MIPOL1: variants seen among roughly 807,000 people sequenced by gnomAD.
MIPOL1 encodes the protein mirror-image polydactyly gene 1 protein.
A neutral mutation model predicts 60.9 loss-of-function variants in MIPOL1; 57 were observed. The ratio of observed to expected loss-of-function variants is 0.94; its 90% confidence interval spans 0.76 to 1.17. The LOEUF (loss-of-function observed/expected upper bound fraction) is 1.17, where lower values mean the gene tolerates loss of function less well. Ranked by LOEUF, MIPOL1 falls within the 50% of genes most tolerant of loss-of-function variation. The probability of loss-of-function intolerance (pLI) is 0.00; values close to 1 mark genes in which losing one functional copy is unlikely to be tolerated. For synonymous variants in MIPOL1, 179 were observed against 168.8 expected, an observed-to-expected ratio of 1.06 and a Z score of -0.47; for missense variants, 551 against 511.6, an observed-to-expected ratio of 1.08 and a Z score of -0.74.
At chr14:37,388,411 A>T (rs2093134517) in intron 10 of MIPOL1, among the ~76,000 whole-genome samples, 1 of 151,904 alleles carries the variant, frequency 6.6e-6, no homozygotes, top group Non-Finnish European at 1.5e-5. Context: ...AGCATAAATG[A>T]AACTTATCGT....
Position 37,289,572 on chromosome 14 carries a change from G to A in MIPOL1, c.623+4125G>A, listed in dbSNP as rs369290030. ...ATATGACAATGGATACAGATGAAGAGATGCAGAGGTCAAGGTATGGGGGAA... is the reference window on the plus strand; with the variant it reads ...ATATGACAATGGATACAGATGAAGAAATGCAGAGGTCAAGGTATGGGGGAA... On this transcript the variant is annotated intron_variant, in intron 7 of 12. Coordinates refer to ENST00000684589, the MANE Select transcript of MIPOL1 (RefSeq NM_001388067.1). Among the ~76,000 whole-genome samples the A allele has an allele frequency of 7.9e-5, 12 of 152,194 alleles. No individual in the cohort carries two copies. The East Asian group carries it at 1.9e-3, about 24-fold the overall frequency.
chr14:37,294,319 C>G (rs1221172669), intron 7 of MIPOL1, among the ~76,000 whole-genome samples: 5 of 152,108 alleles, frequency 3.3e-5, no homozygotes, highest in Non-Finnish European at 7.4e-5. Flanking sequence ...ATGTCACCAT[C>G]ATCAAAGACC....
intron 3 of MIPOL1, among the ~76,000 whole-genome samples, chr14:37,250,647 T>C (rs1192156203): frequency 6.6e-6 from 1 of 152,168 alleles, no homozygotes; most frequent in Non-Finnish European, 1.5e-5. Context: ...CACATCGTCA[T>C]CTCCCTGATG....
chr14:37,547,167 A>G lies in MIPOL1; in HGVS notation c.*196A>G. 1.8e-6 allele frequency: 1 copy of G among 555,254 alleles called. No individual in the cohort carries two copies. The highest frequency in any genetic ancestry group is 3.0e-5 in the East Asian group (1 of 33,492). 34.4% of individuals were successfully genotyped at this position (555,254 alleles called of 1,614,324 possible). A position where few individuals can be genotyped will look rare whatever the true frequency, so the allele number is the denominator to read the frequency against. On this transcript the variant is annotated 3_prime_UTR_variant, in exon 13 of 13. Transcript: ENST00000684589. Reference sequence around the variant, plus strand: ...GCTGCTGACTTGAGTTATTTATCCAAATATATTAACTATAGACTTTTACCA... The same window carrying G: ...GCTGCTGACTTGAGTTATTTATCCAGATATATTAACTATAGACTTTTACCA...
At chr14:37,225,352 C>T (rs1420070176) in intron 1 of MIPOL1, among the ~76,000 whole-genome samples, 2 of 152,186 alleles carry the variant, frequency 1.3e-5, no homozygotes, top group African/African-American at 2.4e-5. Flanking sequence ...GAGGGCCCCA[C>T]CCTGCCGCAA....
At chr14:37,204,872 G>GA (rs1292799843) in intron 1 of MIPOL1, among the ~76,000 whole-genome samples, 1 of 152,122 alleles carries the variant, frequency 6.6e-6, no homozygotes, top group Non-Finnish European at 1.5e-5. Flanking sequence ...AAGAAGACAG[G>GA]AAAATGTGGG....
intron 11 of MIPOL1, among the ~76,000 whole-genome samples, chr14:37,461,744 A>G (rs2094541413): frequency 6.6e-6 from 1 of 152,238 alleles, no homozygotes; most frequent in African/African-American, 2.4e-5. Flanking sequence ...CCAGTGAGGC[A>G]GTCACATCTT....
At chr14:37,326,991 A>G (rs954499539) in intron 9 of MIPOL1, among the ~76,000 whole-genome samples, 1 of 152,192 alleles carries the variant, frequency 6.6e-6, no homozygotes, top group African/African-American at 2.4e-5. Context: ...GTAGCTAGAG[A>G]CAATTCTTGA....
chr14:37,254,313 CAA>C (rs1175633169), intron 3 of MIPOL1, among the ~76,000 whole-genome samples: 2 of 151,474 alleles, frequency 1.3e-5, no homozygotes, highest in Non-Finnish European at 3.0e-5. Context: ...AATGAAAAAA[CAA>C]AAAATGTTTA....
chr14:37,477,802 A>G (rs1249181541), intron 11 of MIPOL1, among the ~76,000 whole-genome samples: 1 of 152,228 alleles, frequency 6.6e-6, no homozygotes, highest in East Asian at 1.9e-4. Flanking sequence ...AAAGTGTAAT[A>G]AAGTGGCATG....
chr14:37,523,471 A>T (rs759342405), intron 12 of MIPOL1: 7 of 401,858 alleles, frequency 1.7e-5, no homozygotes, highest in Non-Finnish European at 3.1e-5. Flanking sequence ...TTTTTTTTCC[A>T]GATCTCAAAT....
In MIPOL1 at chr14:37,547,301, T is replaced by C. The variant is rs2095550820; in HGVS notation, c.*330T>C. ...ATTATAGAAACATGTTAAAGTTGGT[T>C]AGGATCATATCTTCACATATGGCCC... On this transcript the variant is annotated 3_prime_UTR_variant, in exon 13 of 13. Coordinates refer to ENST00000684589, the MANE Select transcript of MIPOL1 (RefSeq NM_001388067.1). The C allele has an allele frequency of 4.4e-6, 1 of 227,908 alleles. No individual in the cohort carries two copies. 14.1% of individuals were successfully genotyped at this position (227,908 alleles called of 1,614,324 possible). A position where few individuals can be genotyped will look rare whatever the true frequency, so the allele number is the denominator to read the frequency against.
At chr14:37,379,797 A>G (rs145125090) in intron 10 of MIPOL1, among the ~76,000 whole-genome samples, 211 of 152,228 alleles carry the variant, frequency 1.4e-3, no homozygotes, top group African/African-American at 4.7e-3. Context: ...GTTATTAAGT[A>G]AAAGTGGGAA....
At chr14:37,516,757 CTAAG>C (rs2095372093) in intron 12 of MIPOL1, among the ~76,000 whole-genome samples, 1 of 152,090 alleles carries the variant, frequency 6.6e-6, no homozygotes, top group South Asian at 2.1e-4. Flanking sequence ...TTTTACATTA[CTAAG>C]TCTTTCTTTA....
At chr14:37,454,061 T>C (rs540664082) in intron 11 of MIPOL1, among the ~76,000 whole-genome samples, 1 of 152,206 alleles carries the variant, frequency 6.6e-6, no homozygotes, top group Non-Finnish European at 1.5e-5. Flanking sequence ...TTTATGAGAC[T>C]CTGCAAAGTG....
chr14:37,532,222 C>T (rs1454008941), intron 12 of MIPOL1, among the ~76,000 whole-genome samples: 1 of 152,098 alleles, frequency 6.6e-6, no homozygotes, highest in African/African-American at 2.4e-5. Context: ...TCTGTGATCA[C>T]TCACAGTAAA....
chr14:37,488,484 C>T (rs1315890870), intron 11 of MIPOL1, among the ~76,000 whole-genome samples: 1 of 152,046 alleles, frequency 6.6e-6, no homozygotes, highest in Non-Finnish European at 1.5e-5. Context: ...TAAGAACTTG[C>T]TTTATAAATC....
chr14:37,293,663 C>A (rs1048177643), intron 7 of MIPOL1, among the ~76,000 whole-genome samples: 2 of 152,168 alleles, frequency 1.3e-5, no homozygotes, highest in Non-Finnish European at 2.9e-5. Context: ...GAGATTATAT[C>A]CCACACCTAG....
intron 3 of MIPOL1, among the ~76,000 whole-genome samples, chr14:37,258,522 A>G (rs1975341800): frequency 6.6e-6 from 1 of 152,160 alleles, no homozygotes; most frequent in African/African-American, 2.4e-5. Flanking sequence ...GAGTTATGTT[A>G]ATCAAATTTT....
Sources: allele counts gnomAD v4.1 joint callset (sites outside exome capture counted in the v4.1 genomes callset), GRCh38; gene constraint gnomAD v4.1.1; transcripts MANE v1.5; gene names NCBI Gene and HGNC (gene_info 2026-07-23, HGNC 2026-07-21).